FKBP8: variants seen among roughly 807,000 people sequenced by gnomAD.
The protein encoded by FKBP8 is peptidyl-prolyl cis-trans isomerase FKBP8.
In FKBP8, 5 loss-of-function variants were observed where a neutral mutation model predicts 41.7. That is an observed-to-expected ratio of 0.12 (90% CI 0.06 to 0.25). The LOEUF is 0.25. Ranked by LOEUF, FKBP8 falls within the 10% of genes least tolerant of loss-of-function variation. FKBP8 has a pLI of 1.00. For missense variants in FKBP8, 397 were observed against 563.0 expected (o/e 0.71, Z 2.98); for synonymous variants, 279 against 254.5 (o/e 1.10, Z -0.92).
chr19:18,543,052 C>T, intron 1 of FKBP8: 2 of 353,702 alleles, frequency 5.7e-6, no homozygotes, highest in South Asian at 2.1e-5. Context: ...TCCGTCTCGC[C>T]GTAAACACTC....
chr19:18,538,189 T>C lies in FKBP8; in HGVS notation c.772+27A>G. ...GGAGTGGACACCTTTGCAGGGGAGATGGTGGAGATCTGACCCAGGCGGTCA... is the reference window on the plus strand; with the variant it reads ...GGAGTGGACACCTTTGCAGGGGAGACGGTGGAGATCTGACCCAGGCGGTCA... On this transcript the variant is annotated intron_variant, in intron 5 of 8. Transcript: ENST00000608443. This position sits in a 1 kb window ranked among gnomAD's most constrained non-coding sequence, Gnocchi z 4.0. The C allele has an allele frequency of 1.3e-6, 2 of 1,579,120 alleles. No homozygotes were observed. Among genetic ancestry groups the C allele is most frequent in the East Asian group, 2.3e-5 (1 of 44,300 alleles).
chr19:18,539,848 G>C lies in FKBP8; in HGVS notation c.293-128C>G, dbSNP rs1418357585. ...CAGAGGGGGCTGGCCCAACACTGGG[G>C]CACAAACCAAACTTCCAATGGCCAC... On this transcript the variant is annotated intron_variant, in intron 2 of 8. Transcript: ENST00000608443. The C allele has an allele frequency of 4.4e-6, 5 of 1,129,704 alleles. No homozygotes were observed. The Admixed American group carries it at 8.8e-5, about 20-fold the overall frequency. The allele number at this position is 1,129,704 out of a possible 1,614,324, so 70.0% of individuals were successfully genotyped here.
At position 18,537,551 on chromosome 19, in the gene FKBP8, C is replaced by T; in HGVS notation, c.945+50G>A. Reference sequence around the variant, plus strand: ...CTCAAATGCAGGGTTGGGGACCACCCCGTATACCCCAGGCTGAGTGACCCG... The same window carrying T: ...CTCAAATGCAGGGTTGGGGACCACCTCGTATACCCCAGGCTGAGTGACCCG... On this transcript the variant is annotated intron_variant, in intron 6 of 8. Coordinates refer to ENST00000608443, the MANE Select transcript of FKBP8 (RefSeq NM_012181.5). The surrounding 1 kb of genome is among the most constrained non-coding windows in gnomAD (Gnocchi z 4.4). 1.5e-5 allele frequency: 22 copies of T among 1,515,680 alleles called. No homozygotes were observed. Among genetic ancestry groups the T allele is most frequent in the Non-Finnish European group, 1.9e-5 (22 of 1,129,276 alleles). The allele number at this position is 1,515,680 out of a possible 1,614,324, so 93.9% of individuals were successfully genotyped here.
In FKBP8 at chr19:18,538,430, G is replaced by A. The variant is rs1239020911; in HGVS notation, c.558C>T (p.Ser186=). 12 of 1,611,348 alleles carry A rather than the reference G, an allele frequency of 7.4e-6. No homozygotes were observed. The highest frequency in any genetic ancestry group is 9.3e-6 in the Non-Finnish European group (11 of 1,179,720). The change falls in exon 5 of 9, where the codon AGC becomes AGT. Residue 186 remains serine (S), a synonymous_variant. Transcript: ENST00000608443. This position sits in a 1 kb window ranked among gnomAD's most constrained non-coding sequence, Gnocchi z 4.0. ...KYCYGPQGSR[S]PYIPPHAALC... ...GGGCCGCGTGCGGGGGGATGTATGGGCTCCTGCTAGTTGGGTGGGAGCAGG... is the reference window on the plus strand; with the variant it reads ...GGGCCGCGTGCGGGGGGATGTATGGACTCCTGCTAGTTGGGTGGGAGCAGG...
intron 2 of FKBP8, among the ~76,000 whole-genome samples, chr19:18,540,505 A>G (rs571991377): frequency 1.2e-3 from 176 of 152,168 alleles, no homozygotes; most frequent in African/African-American, 4.0e-3. Context: ...AGGCTGAGGC[A>G]GGAGGATCAC....
Position 18,534,453 on chromosome 19 carries a change from G to C in FKBP8, c.946-1106C>G, listed in dbSNP as rs187941908. Among the ~76,000 whole-genome samples the C allele has an allele frequency of 3.2e-4, 49 of 152,272 alleles. 1 individual carries two copies. The highest frequency in any genetic ancestry group is 2.9e-3 in the Admixed American group (45 of 15,286). On this transcript the variant is annotated intron_variant, in intron 6 of 8. Coordinates refer to ENST00000608443, the MANE Select transcript of FKBP8 (RefSeq NM_012181.5). ...ACTCCATCAGTGCACACTTAGCTTG[G>C]CATTGGTCCCCGCAACATGCTCCTC...
rs1234593802 is a variant in FKBP8, at chr19:18,538,317, C to T, written c.671G>A (p.Arg224Gln). ...TGQERVALANRKRECGNAHYQ... is the reference protein window; with the variant it reads ...TGQERVALANQKRECGNAHYQ... ...GTGGGCGTTGCCGCACTCCCGCTTC[C>T]GGTTGGCCAGGGCCACGCGCTCCTG... Residue 224 changes from arginine (R) to glutamine (Q), a missense_variant, in exon 5 of 9, where the codon CGG (arginine) becomes CAG (glutamine). By Grantham distance (43) the Arg-to-Gln change is conservative (BLOSUM62 1). Coordinates refer to ENST00000608443, the MANE Select transcript of FKBP8 (RefSeq NM_012181.5). The surrounding 1 kb of genome is among the most constrained non-coding windows in gnomAD (Gnocchi z 4.0). 6.8e-6 allele frequency: 11 copies of T among 1,613,482 alleles called. No individual in the cohort carries two copies. In the East Asian group the frequency reaches 8.9e-5, roughly 13 times the overall value.
In FKBP8 at chr19:18,537,687, C is replaced by A; in HGVS notation, c.859G>T (p.Asp287Tyr). The A allele has an allele frequency of 6.2e-7, 1 of 1,613,946 alleles. No individual in the cohort carries two copies. Among genetic ancestry groups the A allele is most frequent in the African/African-American group, 1.3e-5 (1 of 75,058 alleles). The change falls in exon 6 of 9, where the codon GAC becomes TAC. Residue 287 changes from aspartate (D) to tyrosine (Y), a missense_variant. Asp to Tyr is a radical substitution (Grantham distance 160). Around this residue, in one of 2 missense-constraint regions of FKBP8, gnomAD observed 225 missense variants for 366.8 expected, o/e 0.61. Transcript: ENST00000608443. This position sits in a 1 kb window ranked among gnomAD's most constrained non-coding sequence, Gnocchi z 4.4. The stretch of plus-strand genomic sequence containing the variant: ...GAGCGCAGGGCTGCGCGGTAGTGGT[C>A]GAGCTTCAGCTGCGAGGCCGCCAGG... ...NNLAASQLKL[D>Y]HYRAALRSCS... is the part of the protein sequence containing the mutation.
rs1281535511 is a variant in FKBP8 at position 18,532,047 on chromosome 19, T to C, written c.*122A>G. The C allele has an allele frequency of 9.3e-6, 8 of 855,962 alleles. No homozygotes were observed. Among genetic ancestry groups the C allele is most frequent in the Non-Finnish European group, 1.1e-5 (6 of 531,142 alleles). 53.0% of individuals were successfully genotyped at this position (855,962 alleles called of 1,614,324 possible). On this transcript the variant is annotated 3_prime_UTR_variant, in exon 9 of 9. Transcript: ENST00000608443. ...GCTGGGCTGCACGACCCCCAATCCTTGCTCCCCTAACCCGGAGGAGGGGGC... is the reference window on the plus strand; with the variant it reads ...GCTGGGCTGCACGACCCCCAATCCTCGCTCCCCTAACCCGGAGGAGGGGGC...
intron 1 of FKBP8, chr19:18,542,901 C>T (rs1476002471): frequency 3.1e-6 from 4 of 1,282,788 alleles, no homozygotes; most frequent in African/African-American, 3.1e-5. Context: ...CCTGCTCCTC[C>T]CGGGCTCGGA....
Position 18,538,370 on chromosome 19 carries a change from G to A in FKBP8, c.618C>T (p.Asp206=), listed in dbSNP as rs11541429. The change falls in exon 5 of 9, where the codon GAC becomes GAT. Residue 206 remains aspartate, a synonymous_variant. Coordinates refer to ENST00000608443, the MANE Select transcript of FKBP8 (RefSeq NM_012181.5). This position sits in a 1 kb window ranked among gnomAD's most constrained non-coding sequence, Gnocchi z 4.0. ...CCGTGAGCATCTCCAGGTCAGGCCC[G>A]TCCACAGCCGTCTTCAGGGTCACCT... ...CLEVTLKTAV[D]GPDLEMLTGQ... The A allele has an allele frequency of 2.3e-4, 369 of 1,613,598 alleles. No homozygotes were observed. The highest frequency in any genetic ancestry group is 6.0e-4 in the East Asian group (27 of 44,880).
At chr19:18,542,207 T>C (rs1311014682) in intron 1 of FKBP8, 2 of 578,502 alleles carry the variant, frequency 3.5e-6, no homozygotes, top group African/African-American at 3.7e-5. Flanking sequence ...GCTCAAATAG[T>C]GTTAGCCATT....
At chr19:18,543,233 C>G (rs1322368007) in intron 1 of FKBP8, 2 of 214,086 alleles carry the variant, frequency 9.3e-6, no homozygotes, top group Non-Finnish European at 1.9e-5. Flanking sequence ...CTCGGGCGCC[C>G]CTGGCCCTGC....
intron 2 of FKBP8, 78 bp downstream of exon 2, chr19:18,541,601 C>T (rs1976700647): frequency 6.5e-7 from 1 of 1,532,058 alleles, no homozygotes; most frequent in African/African-American, 1.4e-5. Flanking sequence ...CCAACCCTCA[C>T]AGCACAGATG....
At position 18,537,749 on chromosome 19, in the gene FKBP8, G is replaced by A. The variant is rs1236771017; in HGVS notation, c.797C>T (p.Ala266Val). Residue 266 changes from alanine to valine, a missense_variant, in exon 6 of 9, where the codon GCA becomes GTA. By Grantham distance (64) the Ala-to-Val change is moderately conservative. This residue lies in a region of FKBP8 where 225 missense variants were observed against 366.8 expected (regional missense o/e 0.61). Coordinates refer to ENST00000608443, the MANE Select transcript of FKBP8 (RefSeq NM_012181.5). The surrounding 1 kb of genome is among the most constrained non-coding windows in gnomAD (Gnocchi z 4.4). Reference protein sequence around the residue: ...AKVDMTFEEEAQLLQLKVKCL... With the variant: ...AKVDMTFEEEVQLLQLKVKCL... ...CTTCACCTTCAACTGCAGGAGCTGTGCCTCCTCCTCGAACGTCATGTCCAC... is the reference window on the plus strand; with the variant it reads ...CTTCACCTTCAACTGCAGGAGCTGTACCTCCTCCTCGAACGTCATGTCCAC... 5 of 1,613,198 alleles carry A rather than the reference G, an allele frequency of 3.1e-6. No individual in the cohort carries two copies. Among genetic ancestry groups the A allele is most frequent in the Non-Finnish European group, 4.2e-6 (5 of 1,179,640 alleles).
intron 2 of FKBP8, among the ~76,000 whole-genome samples, chr19:18,541,293 T>C (rs1976694220): frequency 6.6e-6 from 1 of 152,190 alleles, no homozygotes; most frequent in Non-Finnish European, 1.5e-5. Flanking sequence ...GAAGTTGGGG[T>C]CTCGCTGTGT....
chr19:18,533,353 A>C lies in FKBP8; in HGVS notation c.946-6T>G. 1 of 1,598,700 alleles carries C rather than the reference A, an allele frequency of 6.3e-7. No homozygotes were observed. The highest frequency in any genetic ancestry group is 8.5e-7 in the Non-Finnish European group (1 of 1,171,848). On this transcript the variant is annotated splice_polypyrimidine_tract_variant and splice_region_variant and intron_variant, in intron 6 of 8. Transcript: ENST00000608443. ...TCCCCCTGCTGGGCCAGCACCTGTA[A>C]GGGGAAGGGGGTGGCATCACTCTGG...
Position 18,539,533 on chromosome 19 carries a change from T to C in FKBP8, c.462+18A>G, listed in dbSNP as rs1600537171. ...AGGCACGCCCCTCGCCCCTGCCCTG[T>C]CCCGCCCCAGCCCGCACCTGGATGA... On this transcript the variant is annotated intron_variant, in intron 3 of 8. Coordinates refer to ENST00000608443, the MANE Select transcript of FKBP8 (RefSeq NM_012181.5). 6.2e-7 allele frequency: 1 copy of C among 1,612,260 alleles called. No homozygotes were observed. The highest frequency in any genetic ancestry group is 1.1e-5 in the South Asian group (1 of 91,056).
Position 18,537,790 on chromosome 19 carries a change from C to T in FKBP8, c.773-17G>A, listed in dbSNP as rs566494858. 6.3e-7 allele frequency: 1 copy of T among 1,590,750 alleles called. No individual in the cohort carries two copies. The highest frequency in any genetic ancestry group is 2.3e-5 in the East Asian group (1 of 44,362). On this transcript the variant is annotated splice_polypyrimidine_tract_variant and intron_variant, in intron 5 of 8. Coordinates refer to ENST00000608443, the MANE Select transcript of FKBP8 (RefSeq NM_012181.5). This position sits in a 1 kb window ranked among gnomAD's most constrained non-coding sequence, Gnocchi z 4.4. ...TCATGTCCACTATTGGGAGACAGTG[C>T]CCGCCACGGCAGCCGTCACCATGCC...
Sources: allele counts gnomAD v4.1 joint callset (sites outside exome capture counted in the v4.1 genomes callset), GRCh38; gene constraint gnomAD v4.1.1; regional missense constraint gnomAD v4.1.1; non-coding constraint Gnocchi (gnomAD v3.1); transcripts MANE v1.5; gene names NCBI Gene and HGNC (gene_info 2026-07-23, HGNC 2026-07-21).